The following ADAMTS9 variants were observed in gnomAD, a reference collection of about 807,000 sequenced individuals.
The protein encoded by ADAMTS9 is ADAM metallopeptidase with thrombospondin type 1 motif 9.
In ADAMTS9, 107 loss-of-function variants were observed where a neutral mutation model predicts 257.1. The observed-to-expected ratio is 0.42, with a 90% CI of 0.36 to 0.49. The LOEUF is 0.49. Among genes scored for constraint, ADAMTS9 ranks in the 20% least tolerant of loss-of-function variants. The pLI, the probability that ADAMTS9 is intolerant of heterozygous loss-of-function variation, is 0.03. For missense variants in ADAMTS9, 2,353 were observed against 2,469.1 expected (o/e 0.95, Z 1.00); for synonymous variants, 982 against 880.9 (o/e 1.11, Z -2.03).
chr3:64,604,350 A>G lies in ADAMTS9; in HGVS notation c.3475-19T>C, dbSNP rs769230198. 1 of 1,533,890 alleles carries G rather than the reference A, an allele frequency of 6.5e-7. No homozygotes were observed. The highest frequency in any genetic ancestry group is 8.8e-7 in the Non-Finnish European group (1 of 1,131,052). ...CACAGTCCTAGACGTGATGGGGGAA[A>G]AAAAAACAAAGTCACTTTCAAGTCA... is the stretch of plus-strand genomic sequence containing the variant. On this transcript the variant is annotated intron_variant, in intron 23 of 39. Transcript: ENST00000498707.
chr3:64,638,045 G>A (rs2106910602), intron 12 of ADAMTS9, among the ~76,000 whole-genome samples: 1 of 152,308 alleles, frequency 6.6e-6, no homozygotes, highest in South Asian at 2.1e-4. Flanking sequence ...TGTTTTTAAA[G>A]TAAGATTTCA....
chr3:64,641,750 C>G lies in ADAMTS9; in HGVS notation c.1856+98G>C, dbSNP rs943288751. The G allele has an allele frequency of 8.1e-6, 12 of 1,484,112 alleles. No homozygotes were observed. The South Asian group carries it at 1.4e-4, about 17-fold the overall frequency. 91.9% of individuals were successfully genotyped at this position (1,484,112 alleles called of 1,614,324 possible). ...TGAAGTTTACGTTCTTTCTAGCTCT[C>G]TAAGTTGGAATGTACTCTTCACCCA... On this transcript the variant is annotated intron_variant, in intron 12 of 39. Transcript: ENST00000498707.
intron 11 of ADAMTS9, 105 bp downstream of exon 11, chr3:64,647,835 A>G: frequency 2.1e-6 from 2 of 957,412 alleles, no homozygotes; most frequent in Non-Finnish European, 3.0e-6. Context: ...GCAAGCTAAA[A>G]CAGACTGCAT....
chr3:64,529,534 G>T (rs182526673), intron 38 of ADAMTS9, among the ~76,000 whole-genome samples: 91 of 152,320 alleles, frequency 6.0e-4, no homozygotes, highest in Non-Finnish European at 1.2e-3. Context: ...ACTGGCCAGG[G>T]TCTGAGCATC....
intron 38 of ADAMTS9, among the ~76,000 whole-genome samples, chr3:64,530,498 C>T (rs2082965627): frequency 6.8e-6 from 1 of 146,214 alleles, no homozygotes; most frequent in African/African-American, 2.6e-5. Flanking sequence ...AGCTCACACT[C>T]TCTGAACTGC....
chr3:64,531,693 T>G (rs2082983579), intron 38 of ADAMTS9, among the ~76,000 whole-genome samples: 3 of 152,164 alleles, frequency 2.0e-5, no homozygotes, highest in African/African-American at 7.2e-5. Context: ...TCTCGAACTC[T>G]TAGGATCAGG....
At chr3:64,670,141 T>G (rs1160567620) in intron 3 of ADAMTS9, among the ~76,000 whole-genome samples, 1 of 151,872 alleles carries the variant, frequency 6.6e-6, no homozygotes, top group Non-Finnish European at 1.5e-5. Context: ...TCTGTCTCAG[T>G]CTCATTGTCC....
chr3:64,600,667 T>C (rs1559785763), intron 26 of ADAMTS9, among the ~76,000 whole-genome samples: 2 of 152,200 alleles, frequency 1.3e-5, no homozygotes, highest in Non-Finnish European at 2.9e-5. Context: ...AGAACTGAAA[T>C]CTCTTCTAAT....
chr3:64,658,919 ACT>A (rs1701155424), intron 3 of ADAMTS9, 128 bp from the exon 4 acceptor site: 2 of 952,404 alleles, frequency 2.1e-6, no homozygotes, highest in Admixed American at 2.5e-5. Context: ...TCCTCCATGG[ACT>A]CTACAGATGC....
intron 32 of ADAMTS9, among the ~76,000 whole-genome samples, chr3:64,545,513 A>G (rs2083185383): frequency 6.6e-6 from 1 of 152,198 alleles, no homozygotes; most frequent in Non-Finnish European, 1.5e-5. Context: ...CAAGGACAGA[A>G]AACCAAACAC....
Position 64,616,018 on chromosome 3 carries a change from C to T in ADAMTS9, c.2966G>A (p.Arg989His), listed in dbSNP as rs143377669. 3.5e-5 allele frequency: 57 copies of T among 1,613,964 alleles called. No homozygotes were observed. Among genetic ancestry groups the T allele is most frequent in the East Asian group, 8.9e-5 (4 of 44,874 alleles). Residue 989 changes from arginine (R) to histidine (H), a missense_variant, in exon 20 of 40, where the codon CGT becomes CAT. Arg to His is a conservative substitution (Grantham distance 29). This residue lies in a region of ADAMTS9 where 1,402 missense variants were observed against 1,441.4 expected (regional missense o/e 0.97). Coordinates refer to ENST00000498707, the MANE Select transcript of ADAMTS9 (RefSeq NM_182920.2). ...FCSSHPKPSN[R>H]EKCSGECNTG... ...GTTACATTCCCCTGAGCATTTTTCA[C>T]GGTTGCTTGGTTTGGGATGGCTGCT...
At chr3:64,681,681 T>TTATA (rs1363143645) in intron 2 of ADAMTS9, among the ~76,000 whole-genome samples, 5 of 152,178 alleles carry the variant, frequency 3.3e-5, no homozygotes, top group Non-Finnish European at 7.4e-5. Context: ...GTAGCTGGGA[T>TTATA]TATAGGTGCA....
At chr3:64,556,217 C>T (rs1040362074) in intron 30 of ADAMTS9, among the ~76,000 whole-genome samples, 98 of 152,192 alleles carry the variant, frequency 6.4e-4, no homozygotes, top group African/African-American at 2.2e-3. Context: ...AGCAGTTCTG[C>T]AACAGTCAGA....
chr3:64,569,591 T>C (rs1278077083), intron 28 of ADAMTS9, among the ~76,000 whole-genome samples: 31 of 152,206 alleles, frequency 2.0e-4, no homozygotes, highest in Admixed American at 2.0e-3. Flanking sequence ...ATGTGAAACA[T>C]GTAACTCATG....
intron 21 of ADAMTS9, chr3:64,615,063 C>A: frequency 2.8e-6 from 1 of 359,432 alleles, no homozygotes; most frequent in Non-Finnish European, 5.0e-6. Flanking sequence ...TGGACTGCAA[C>A]TTCAAAATCA....
chr3:64,572,695 A>C (rs1233792609), intron 28 of ADAMTS9, among the ~76,000 whole-genome samples: 1 of 152,116 alleles, frequency 6.6e-6, no homozygotes, highest in Non-Finnish European at 1.5e-5. Context: ...ACCAAGAAGG[A>C]ATAAGAAGGG....
At chr3:64,553,902 T>G (rs1050989314) in intron 30 of ADAMTS9, among the ~76,000 whole-genome samples, 3 of 152,092 alleles carry the variant, frequency 2.0e-5, no homozygotes, top group African/African-American at 4.8e-5. Flanking sequence ...AAAAAAGTGT[T>G]TTTTTCATCA....
Position 64,658,802 on chromosome 3 carries a change from T to A in ADAMTS9, c.680-11A>T. Reference sequence around the variant, plus strand: ...GCCTATTTTTGTGTTCTGTAACAAATCAGATGGTATGCATTACATTTCAAG... The same window carrying A: ...GCCTATTTTTGTGTTCTGTAACAAAACAGATGGTATGCATTACATTTCAAG... On this transcript the variant is annotated splice_polypyrimidine_tract_variant and intron_variant, in intron 3 of 39. Transcript: ENST00000498707. The A allele has an allele frequency of 1.2e-6, 2 of 1,607,682 alleles. No individual in the cohort carries two copies. Among genetic ancestry groups the A allele is most frequent in the Non-Finnish European group, 1.7e-6 (2 of 1,176,868 alleles).
At chr3:64,542,550 C>T (rs896845353) in intron 32 of ADAMTS9, among the ~76,000 whole-genome samples, 1 of 151,786 alleles carries the variant, frequency 6.6e-6, no homozygotes, top group Non-Finnish European at 1.5e-5. Context: ...GCCTCAGACT[C>T]CCGAGTATCT....
Sources: allele counts gnomAD v4.1 joint callset (sites outside exome capture counted in the v4.1 genomes callset), GRCh38; gene constraint gnomAD v4.1.1; regional missense constraint gnomAD v4.1.1; transcripts MANE v1.5; gene names NCBI Gene and HGNC (gene_info 2026-07-23, HGNC 2026-07-21).